MALRD1: variants seen among roughly 807,000 people sequenced by gnomAD.
MALRD1 encodes the protein MAM and LDL receptor class A domain containing 1.
Under a neutral mutation model 242.1 loss-of-function variants are expected in MALRD1, and 247 were observed. The ratio of observed to expected loss-of-function variants is 1.02; its 90% confidence interval spans 0.92 to 1.13. The LOEUF (loss-of-function observed/expected upper bound fraction) is 1.13, where lower values mean the gene tolerates loss of function less well. Ranked by LOEUF, MALRD1 falls within the 50% of genes most tolerant of loss-of-function variation. The pLI, the probability that MALRD1 is intolerant of heterozygous loss-of-function variation, is 0.00. For missense variants in MALRD1, 2,989 were observed against 2,533.1 expected, an observed-to-expected ratio of 1.18 and a Z score of -3.86; for synonymous variants, 995 against 866.6, an observed-to-expected ratio of 1.15 and a Z score of -2.60.
chr10:19,158,058 A>C (rs1834241782), intron 12 of MALRD1, among the ~76,000 whole-genome samples: 1 of 152,344 alleles, frequency 6.6e-6, no homozygotes, highest in African/African-American at 2.4e-5. Context: ...GAAATACAAG[A>C]TAGGACAAAC....
At chr10:19,639,253 A>G (rs1203898222) in intron 36 of MALRD1, among the ~76,000 whole-genome samples, 2 of 152,192 alleles carry the variant, frequency 1.3e-5, no homozygotes, top group African/African-American at 2.4e-5. Flanking sequence ...CTGTACACAG[A>G]TGGGTGAAAC....
intron 10 of MALRD1, among the ~76,000 whole-genome samples, chr10:19,143,502 A>C (rs537741277): frequency 6.6e-6 from 1 of 152,306 alleles, no homozygotes; most frequent in South Asian, 2.1e-4. Context: ...TGCAATATTG[A>C]GTTTATTACC....
intron 32 of MALRD1, among the ~76,000 whole-genome samples, chr10:19,566,096 C>A (rs1312900661): frequency 6.6e-6 from 1 of 151,718 alleles, no homozygotes; most frequent in African/African-American, 2.4e-5. Flanking sequence ...GACTGTTATT[C>A]TTTCCTTTTT....
chr10:19,441,243 C>A (rs1454561506), intron 28 of MALRD1, among the ~76,000 whole-genome samples: 1 of 152,038 alleles, frequency 6.6e-6, no homozygotes, highest in Non-Finnish European at 1.5e-5. Context: ...GATATTAGTC[C>A]TTTGTAAGAT....
At chr10:19,521,988 C>A (rs1260633002) in intron 31 of MALRD1, among the ~76,000 whole-genome samples, 2 of 152,052 alleles carry the variant, frequency 1.3e-5, no homozygotes, top group Non-Finnish European at 2.9e-5. Flanking sequence ...ATTTTCACAT[C>A]TGTCATCCAT....
chr10:19,368,631 G>T (rs1845211619), intron 26 of MALRD1, among the ~76,000 whole-genome samples: 1 of 151,688 alleles, frequency 6.6e-6, no homozygotes. Context: ...CAGTATTAAG[G>T]TTTTTTTATA....
At chr10:19,222,243 T>C (rs1588718581) in intron 18 of MALRD1, among the ~76,000 whole-genome samples, 1 of 152,184 alleles carries the variant, frequency 6.6e-6, no homozygotes, top group East Asian at 1.9e-4. Flanking sequence ...TCATAGATAC[T>C]GCCAAGCCCC....
chr10:19,721,998 T>C (rs892132513), intron 38 of MALRD1: 2 of 152,356 alleles, frequency 1.3e-5, no homozygotes, highest in African/African-American at 2.4e-5. Context: ...TGAGGAAATA[T>C]GTTATTGAGG....
Position 19,704,455 on chromosome 10 carries a change from G to T in MALRD1, c.6314+11901G>T, listed in dbSNP as rs117908587. On this transcript the variant is annotated intron_variant, in intron 38 of 39. Transcript: ENST00000454679. ...TTGCCTTCTTATAAGGGCATGAGGG[G>T]GCCATCATCGTGGCCTCATGTAAGC... 2.4e-3 allele frequency among the ~76,000 whole-genome samples: 364 copies of T among 152,252 alleles called. 9 individuals are homozygous for T. The East Asian group carries it at 0.053, about 22-fold the overall frequency.
chr10:19,452,408 A>G (rs1835381869), intron 29 of MALRD1, among the ~76,000 whole-genome samples: 1 of 152,208 alleles, frequency 6.6e-6, no homozygotes. Context: ...TCTTACGTTT[A>G]GTGATCAACT....
At chr10:19,634,786 A>G (rs746011957) in intron 36 of MALRD1, among the ~76,000 whole-genome samples, 24 of 152,152 alleles carry the variant, frequency 1.6e-4, no homozygotes, top group Non-Finnish European at 3.2e-4. Flanking sequence ...AAACTTAGCA[A>G]GAAGAGTTAG....
intron 20 of MALRD1, among the ~76,000 whole-genome samples, chr10:19,282,412 G>T (rs7075528): frequency 0.077 from 11,644 of 152,168 alleles, 702 homozygotes; most frequent in Admixed American, 0.2. Flanking sequence ...TTCATTGAAT[G>T]AATATTTCTT....
chr10:19,531,100 A>G, intron 31 of MALRD1, 94 bp from the exon 32 acceptor site: 1 of 1,035,214 alleles, frequency 9.7e-7, no homozygotes, highest in Non-Finnish European at 1.4e-6. Context: ...GTGTATGTAT[A>G]AGGATAAAAA....
intron 21 of MALRD1, among the ~76,000 whole-genome samples, chr10:19,293,709 A>G (rs1032509874): frequency 6.6e-6 from 1 of 152,086 alleles, no homozygotes; most frequent in Non-Finnish European, 1.5e-5. Flanking sequence ...AATGATAAGA[A>G]CTCTTGGACG....
intron 26 of MALRD1, among the ~76,000 whole-genome samples, chr10:19,364,689 A>C (rs1845036021): frequency 6.6e-6 from 1 of 152,174 alleles, no homozygotes. Flanking sequence ...TCTTGGAAGA[A>C]AAATATTATT....
chr10:19,331,476 T>A lies in MALRD1; in HGVS notation c.3795T>A (p.Thr1265=). 1 of 1,550,494 alleles carries A rather than the reference T, an allele frequency of 6.4e-7. No individual in the cohort carries two copies. The highest frequency in any genetic ancestry group is 2.4e-5 in the East Asian group (1 of 40,884). ...TGCTTAGCCCAGAGAGAAAGTGTACTGATCATGAATTCATGTGTGCTAATA... is the reference window on the plus strand; with the variant it reads ...TGCTTAGCCCAGAGAGAAAGTGTACAGATCATGAATTCATGTGTGCTAATA... The part of the protein sequence containing the change: ...SPLLSPERKC[T]DHEFMCANKH... Residue 1265 remains threonine, a synonymous_variant, in exon 24 of 40, where the codon ACT becomes ACA. Coordinates refer to ENST00000454679, the MANE Select transcript of MALRD1 (RefSeq NM_001142308.3).
At chr10:19,409,105 TTAAA>T (rs1357363453) in intron 28 of MALRD1, among the ~76,000 whole-genome samples, 1 of 152,124 alleles carries the variant, frequency 6.6e-6, no homozygotes. Context: ...GAGTGAATGG[TTAAA>T]TAAATTGTGG....
At chr10:19,718,971 A>G (rs1044539226) in intron 38 of MALRD1, among the ~76,000 whole-genome samples, 2 of 151,084 alleles carry the variant, frequency 1.3e-5, no homozygotes, top group African/African-American at 4.9e-5. Context: ...GCTCGAGGCA[A>G]CACAGCAAGA....
intron 18 of MALRD1, among the ~76,000 whole-genome samples, chr10:19,254,638 AT>A (rs1392721127): frequency 8.6e-5 from 13 of 151,996 alleles, no homozygotes; most frequent in Non-Finnish European, 1.8e-4. Context: ...TTAAACTAAA[AT>A]TTCTGCCTCA....
Sources: allele counts gnomAD v4.1 joint callset (sites outside exome capture counted in the v4.1 genomes callset), GRCh38; gene constraint gnomAD v4.1.1; transcripts MANE v1.5; gene names NCBI Gene and HGNC (gene_info 2026-07-23, HGNC 2026-07-21).